CDC14B: variants seen among roughly 807,000 people sequenced by gnomAD.
CDC14B encodes cell division cycle 14B, also known as dual specificity protein phosphatase CDC14B.
CDC14B carries 22 observed loss-of-function variants against 64.2 expected under a neutral mutation model. That is an observed-to-expected ratio of 0.34 (90% CI 0.24 to 0.49). The LOEUF (loss-of-function observed/expected upper bound fraction) is 0.49, where lower values mean the gene tolerates loss of function less well. CDC14B is among the 20% of genes least tolerant of loss of function. The pLI, the probability that CDC14B is intolerant of heterozygous loss-of-function variation, is 0.99. For synonymous variants in CDC14B, 191 were observed against 215.8 expected, an observed-to-expected ratio of 0.89 and a Z score of 1.01; for missense variants, 498 against 629.9, an observed-to-expected ratio of 0.79 and a Z score of 2.24.
chr9:96,531,251 G>T (rs984877730), intron 9 of CDC14B, among the ~76,000 whole-genome samples: 1 of 152,164 alleles, frequency 6.6e-6, no homozygotes, highest in Non-Finnish European at 1.5e-5. Flanking sequence ...AGAATTTACT[G>T]GTGATGCTAT....
At position 96,503,790 on chromosome 9, in the gene CDC14B, C is replaced by A; in HGVS notation, c.1461-1G>T. The A allele has an allele frequency of 6.2e-7, 1 of 1,612,842 alleles. No individual in the cohort carries two copies. The highest frequency in any genetic ancestry group is 8.5e-7 in the Non-Finnish European group (1 of 1,179,568). ...TGTTTTAGTCCTTGAAATGGAGAGA[C>A]TACAGGGGGAAAAAAAAGGATTTTT... On this transcript the variant is annotated splice_acceptor_variant, in intron 13 of 13. Coordinates refer to ENST00000375241, the MANE Select transcript of CDC14B (RefSeq NM_033331.4). LOFTEE classifies it high-confidence loss of function.
At chr9:96,541,716 G>C (rs1840085914) in intron 6 of CDC14B, 110 bp downstream of exon 6, 4 of 606,572 alleles carry the variant, frequency 6.6e-6, no homozygotes, top group Admixed American at 6.5e-5. Flanking sequence ...GTCACCATAG[G>C]CATCTTGGAA....
chr9:96,552,565 T>C (rs1016874840), intron 4 of CDC14B, among the ~76,000 whole-genome samples: 4 of 152,212 alleles, frequency 2.6e-5, no homozygotes, highest in African/African-American at 9.6e-5. Context: ...TCATTTCCTC[T>C]TGATAGTTTC....
chr9:96,519,068 G>A lies in CDC14B; in HGVS notation c.1343+3438C>T, dbSNP rs188262915. 5.0e-3 allele frequency among the ~76,000 whole-genome samples: 765 copies of A among 152,106 alleles called. 3 individuals carry two copies. The highest frequency in any genetic ancestry group is 0.031 in the Middle Eastern group (9 of 294). On this transcript the variant is annotated intron_variant, in intron 12 of 13. Coordinates refer to ENST00000375241, the MANE Select transcript of CDC14B (RefSeq NM_033331.4). ...GGAGAATGGCATGATCCCAGGAGGC[G>A]GAGCTTGCAGTGAGCCGAGATCGCA...
chr9:96,512,211 TAA>T (rs61561306), intron 12 of CDC14B, among the ~76,000 whole-genome samples: 1 of 135,574 alleles, frequency 7.4e-6, no homozygotes, highest in Non-Finnish European at 1.6e-5. Context: ...AGACTTTGTA[TAA>T]AAAAAAAAAA....
chr9:96,527,023 A>G (rs1368933378), intron 9 of CDC14B, among the ~76,000 whole-genome samples: 2 of 152,126 alleles, frequency 1.3e-5, no homozygotes, highest in Non-Finnish European at 2.9e-5. Flanking sequence ...AAAATTTACC[A>G]TTTTTCTTCA....
At chr9:96,523,165 G>T in intron 11 of CDC14B, 96 bp downstream of exon 11, 1 of 1,299,998 alleles carries the variant, frequency 7.7e-7, no homozygotes. Flanking sequence ...TCCAAGAGCT[G>T]CTTTATTATT....
chr9:96,553,743 C>A (rs1427027763), intron 4 of CDC14B, among the ~76,000 whole-genome samples: 5 of 152,198 alleles, frequency 3.3e-5, no homozygotes, highest in African/African-American at 1.2e-4. Flanking sequence ...TTCCAAATTC[C>A]CTTATTCCCT....
At chr9:96,514,856 C>T (rs1835416141) in intron 12 of CDC14B, 1 of 985,418 alleles carries the variant, frequency 1.0e-6, no homozygotes, top group Non-Finnish European at 1.2e-6. Flanking sequence ...GAAATAAAGC[C>T]TCTTCGCTGT....
At chr9:96,550,301 A>G (rs1231870175) in intron 5 of CDC14B, among the ~76,000 whole-genome samples, 2 of 152,252 alleles carry the variant, frequency 1.3e-5, no homozygotes, top group Non-Finnish European at 2.9e-5. Flanking sequence ...GCCAATTCTA[A>G]TTTGCTCAAT....
In CDC14B at chr9:96,614,838, G is replaced by A. The variant is rs116263078; in HGVS notation, c.160+4381C>T. 4.1e-3 allele frequency among the ~76,000 whole-genome samples: 629 copies of A among 151,836 alleles called. 3 individuals carry two copies. Among genetic ancestry groups the A allele is most frequent in the African/African-American group, 0.014 (596 of 41,428 alleles). On this transcript the variant is annotated intron_variant, in intron 1 of 13. Coordinates refer to ENST00000375241, the MANE Select transcript of CDC14B (RefSeq NM_033331.4). ...AGCTTTAATGCTTACAGTTTACACC[G>A]CCTGTTTTGTTTTGTTTTTTGAGGT...
At chr9:96,514,399 A>T in intron 12 of CDC14B, 1 of 984,262 alleles carries the variant, frequency 1.0e-6, no homozygotes, top group Non-Finnish European at 1.2e-6. Context: ...AAACACCCAA[A>T]AGGTTAATCT....
chr9:96,581,298 C>A lies in CDC14B; in HGVS notation c.161-15815G>T, dbSNP rs549897411. 4.6e-5 allele frequency among the ~76,000 whole-genome samples: 7 copies of A among 151,174 alleles called. No individual in the cohort carries two copies. The East Asian group carries it at 1.4e-3, about 30-fold the overall frequency. ...ACAAAGAAGAAAATAAATAAATAATCTTCTAAAATAAAGATAAACAGAGGG... is the reference window on the plus strand; with the variant it reads ...ACAAAGAAGAAAATAAATAAATAATATTCTAAAATAAAGATAAACAGAGGG... On this transcript the variant is annotated intron_variant, in intron 1 of 13. Transcript: ENST00000375241.
chr9:96,587,556 C>T lies in CDC14B; in HGVS notation c.161-22073G>A, dbSNP rs1328851198. On this transcript the variant is annotated intron_variant, in intron 1 of 13. Transcript: ENST00000375241. Reference sequence around the variant, plus strand: ...CCTGCACTGCTGAGCTCACACCAGACACTCAGCTAATGCCTGTTTCATAAA... The same window carrying T: ...CCTGCACTGCTGAGCTCACACCAGATACTCAGCTAATGCCTGTTTCATAAA... Among the ~76,000 whole-genome samples, 9 of 152,322 alleles carry T rather than the reference C, an allele frequency of 5.9e-5. No individual in the cohort carries two copies. The South Asian group carries it at 1.9e-3, about 32-fold the overall frequency.
chr9:96,519,364 A>G (rs1836286702), intron 12 of CDC14B, among the ~76,000 whole-genome samples: 1 of 152,144 alleles, frequency 6.6e-6, no homozygotes, highest in East Asian at 1.9e-4. Context: ...CATTGTAGTC[A>G]GGATCAGACA....
chr9:96,513,982 C>T (rs997116769), intron 12 of CDC14B, among the ~76,000 whole-genome samples: 2 of 152,156 alleles, frequency 1.3e-5, no homozygotes, highest in African/African-American at 4.8e-5. Flanking sequence ...ACAAATAAAA[C>T]CCTTTTGAGA....
intron 9 of CDC14B, among the ~76,000 whole-genome samples, chr9:96,526,324 C>T (rs965572214): frequency 2.0e-5 from 3 of 152,082 alleles, no homozygotes; most frequent in South Asian, 2.1e-4. Context: ...GCTGAGATCG[C>T]GCCACTTTAC....
intron 1 of CDC14B, among the ~76,000 whole-genome samples, chr9:96,593,083 C>A (rs1451605804): frequency 6.6e-6 from 1 of 151,990 alleles, no homozygotes; most frequent in African/African-American, 2.4e-5. Context: ...ATTTAAAAAC[C>A]CCATTTGTAG....
At chr9:96,545,798 G>T (rs1200249482) in intron 5 of CDC14B, among the ~76,000 whole-genome samples, 8 of 151,508 alleles carry the variant, frequency 5.3e-5, no homozygotes, top group Non-Finnish European at 1.5e-5. Flanking sequence ...GGGCCCTGCT[G>T]AAGTCCTGCC....
Sources: gnomAD v4.1 joint callset for allele counts (sites outside exome capture counted in the v4.1 genomes callset) on GRCh38, gnomAD v4.1.1 for gene constraint, MANE v1.5 for transcripts, NCBI Gene and HGNC (gene_info 2026-07-23, HGNC 2026-07-21) for gene names.